AP3M1: variants seen among roughly 807,000 people sequenced by gnomAD.
AP3M1 encodes adaptor related protein complex 3 subunit mu 1, also known as AP-3 complex subunit mu-1.
In AP3M1, 29 loss-of-function variants were observed where a neutral mutation model predicts 42.6. The ratio of observed to expected loss-of-function variants is 0.68; its 90% CI spans 0.51 to 0.93. AP3M1 has a LOEUF of 0.93. Ranked by LOEUF, AP3M1 falls within the 40% of genes least tolerant of loss-of-function variation. The pLI is 0.00. For missense variants in AP3M1, 416 were observed against 510.2 expected (o/e 0.82, Z 1.78); for synonymous variants, 178 against 175.3 (o/e 1.02, Z -0.12).
At chr10:74,147,169 C>T (rs1010407145) in intron 1 of AP3M1, among the ~76,000 whole-genome samples, 5 of 152,066 alleles carry the variant, frequency 3.3e-5, no homozygotes, top group Admixed American at 6.6e-5. Flanking sequence ...CCTGTAATCC[C>T]GGCTGCTCTG....
At position 74,123,680 on chromosome 10, in the gene AP3M1, T is replaced by C. The variant is rs1178890009; in HGVS notation, c.*130A>G. 2.8e-6 allele frequency: 2 copies of C among 721,510 alleles called. No individual in the cohort carries two copies. Among genetic ancestry groups the C allele is most frequent in the Admixed American group, 2.4e-5 (1 of 42,474 alleles). The allele number at this position is 721,510 out of a possible 1,614,324, so 44.7% of individuals were successfully genotyped here. ...TCCTACATTGATAACTAAGTAACTT[T>C]GTTAGCGGTGTGTAGCTAGACACAA... is the stretch of plus-strand genomic sequence containing the variant. On this transcript the variant is annotated 3_prime_UTR_variant, in exon 9 of 9. Coordinates refer to ENST00000355264, the MANE Select transcript of AP3M1 (RefSeq NM_012095.6).
intron 6 of AP3M1, among the ~76,000 whole-genome samples, chr10:74,128,427 C>T (rs1840683166): frequency 6.6e-6 from 1 of 151,892 alleles, no homozygotes; most frequent in Non-Finnish European, 1.5e-5. Flanking sequence ...TTAGTAGAGA[C>T]AGGGTTTCAC....
At chr10:74,139,198 C>G (rs1458583933) in intron 1 of AP3M1, among the ~76,000 whole-genome samples, 3 of 151,698 alleles carry the variant, frequency 2.0e-5, no homozygotes, top group Non-Finnish European at 4.4e-5. Context: ...TATAGAAAAT[C>G]CTAAGGAATC....
chr10:74,124,675 T>C (rs1840564173), intron 7 of AP3M1, 151 bp from the exon 8 acceptor site: 12 of 617,250 alleles, frequency 1.9e-5, no homozygotes, highest in Non-Finnish European at 3.2e-5. Context: ...AGTTTACCTC[T>C]GATTAATTCT....
chr10:74,122,330 G>A lies in AP3M1; in HGVS notation c.*1480C>T, dbSNP rs913014830. 1 of 152,158 alleles carries A rather than the reference G, an allele frequency of 6.6e-6. No individual in the cohort carries two copies. The highest frequency in any genetic ancestry group is 2.4e-5 in the African/African-American group (1 of 41,430). 9.4% of individuals were successfully genotyped at this position (152,158 alleles called of 1,614,324 possible). A position where few individuals can be genotyped will look rare whatever the true frequency, so the allele number is the denominator to read the frequency against. On this transcript the variant is annotated 3_prime_UTR_variant, in exon 9 of 9. Transcript: ENST00000355264. The stretch of plus-strand genomic sequence containing the variant: ...AGGGCTATCCTTAGCATAAGGGAAA[G>A]ACGGTTATAAGCTGAGAAGATTGAA...
At chr10:74,132,467 A>C (rs1251882575) in intron 4 of AP3M1, among the ~76,000 whole-genome samples, 1 of 151,170 alleles carries the variant, frequency 6.6e-6, no homozygotes, top group Non-Finnish European at 1.5e-5. Context: ...GAGGTAGGTA[A>C]ACTGATTGAG....
intron 1 of AP3M1, among the ~76,000 whole-genome samples, chr10:74,141,849 A>T (rs1841162845): frequency 6.7e-6 from 1 of 148,972 alleles, no homozygotes; most frequent in Admixed American, 6.7e-5. Flanking sequence ...AGTAGCTGGG[A>T]TTACAGGCAC....
At position 74,134,827 on chromosome 10, in the gene AP3M1, A is replaced by G. The variant is rs74316492; in HGVS notation, c.446-663T>C. The stretch of plus-strand genomic sequence containing the variant: ...ACATACTTAACAACAACAAAAAGGT[A>G]GAGTTCAGAGAAGTGGTTTAAAGAA... On this transcript the variant is annotated intron_variant, in intron 3 of 8. Transcript: ENST00000355264. Among the ~76,000 whole-genome samples, 530 of 152,352 alleles carry G rather than the reference A, an allele frequency of 3.5e-3. 6 individuals carry two copies. The highest frequency in any genetic ancestry group is 5.4e-3 in the Non-Finnish European group (369 of 68,036).
intron 1 of AP3M1, among the ~76,000 whole-genome samples, chr10:74,144,524 C>T (rs2131998378): frequency 6.6e-6 from 1 of 152,262 alleles, no homozygotes. Context: ...CCACCTTGAT[C>T]TCCCAAAGTT....
chr10:74,147,871 C>T (rs753783463), intron 1 of AP3M1, among the ~76,000 whole-genome samples: 1 of 151,982 alleles, frequency 6.6e-6, no homozygotes, highest in Non-Finnish European at 1.5e-5. Context: ...TGGTGGTAGG[C>T]GCCTGTAATC....
At chr10:74,136,438 A>C (rs146840452) in intron 3 of AP3M1, among the ~76,000 whole-genome samples, 194 bp downstream of exon 3, 1 of 152,192 alleles carries the variant, frequency 6.6e-6, no homozygotes, top group Middle Eastern at 3.2e-3. Flanking sequence ...AGTAATAACC[A>C]AAAGTTCTTT....
At chr10:74,139,825 T>TG (rs1841081763) in intron 1 of AP3M1, among the ~76,000 whole-genome samples, 1 of 149,686 alleles carries the variant, frequency 6.7e-6, no homozygotes, top group East Asian at 2.0e-4. Context: ...AAGAATCGCT[T>TG]GAACCCGGGA....
At chr10:74,130,144 C>G in intron 4 of AP3M1, 152 bp from the exon 5 acceptor site, 1 of 624,418 alleles carries the variant, frequency 1.6e-6, no homozygotes. Context: ...GATCATAGCT[C>G]ACTGCAGCCT....
At position 74,124,279 on chromosome 10, in the gene AP3M1, G is replaced by A. The variant is rs1003922367; in HGVS notation, c.1156+101C>T. The A allele has an allele frequency of 3.5e-6, 5 of 1,423,926 alleles. No individual in the cohort carries two copies. In the Admixed American group the frequency reaches 1.2e-4, roughly 33 times the overall value. 88.2% of individuals were successfully genotyped at this position (1,423,926 alleles called of 1,614,324 possible). ...CAGTATAAAAGGCAAATGGGCTACTGCTCTTTCTAGAGAAGGAAACTTTTG... is the reference window on the plus strand; with the variant it reads ...CAGTATAAAAGGCAAATGGGCTACTACTCTTTCTAGAGAAGGAAACTTTTG... On this transcript the variant is annotated intron_variant, in intron 8 of 8. Transcript: ENST00000355264.
At chr10:74,123,938 AATT>A (rs1216478251) in intron 8 of AP3M1, 28 bp from the exon 9 acceptor site, 1 of 1,571,284 alleles carries the variant, frequency 6.4e-7, no homozygotes, top group African/African-American at 1.3e-5. Context: ...AAAAAGAATA[AATT>A]ATCATCATCC....
At chr10:74,125,898 T>G (rs1840598015) in intron 7 of AP3M1, among the ~76,000 whole-genome samples, 1 of 152,200 alleles carries the variant, frequency 6.6e-6, no homozygotes, top group African/African-American at 2.4e-5. Flanking sequence ...AGGCTCTGGA[T>G]TAATAATGGA....
intron 1 of AP3M1, among the ~76,000 whole-genome samples, chr10:74,146,558 G>C (rs541154115): frequency 1.3e-5 from 2 of 152,018 alleles, no homozygotes; most frequent in African/African-American, 4.8e-5. Flanking sequence ...TGGAGGAGGG[G>C]GTGTGTGGAG....
intron 1 of AP3M1, among the ~76,000 whole-genome samples, chr10:74,138,612 AAAAG>A (rs1841024336): frequency 6.6e-6 from 1 of 151,572 alleles, no homozygotes; most frequent in Non-Finnish European, 1.5e-5. Context: ...AAAAAAAAAA[AAAAG>A]AAAGCCATTT....
chr10:74,126,970 C>CAAAAAAAAAAAAAAAAAA (rs58110411), intron 6 of AP3M1, among the ~76,000 whole-genome samples: 2 of 32,344 alleles, frequency 6.2e-5, no homozygotes, highest in Non-Finnish European at 1.0e-4. Context: ...GACGCCATCT[C>CAAAAAAAAAAAAAAAAAA]AAAAAAAAAA....
Sources: allele counts gnomAD v4.1 joint callset (sites outside exome capture counted in the v4.1 genomes callset), GRCh38; gene constraint gnomAD v4.1.1; transcripts MANE v1.5; gene names NCBI Gene and HGNC (gene_info 2026-07-23, HGNC 2026-07-21).